The following ZNF385D variants were observed in gnomAD, a reference collection of about 807,000 sequenced individuals.
The protein encoded by ZNF385D is zinc finger protein 385D.
In ZNF385D, 15 loss-of-function variants were observed where a neutral mutation model predicts 35.8. The ratio of observed to expected loss-of-function variants is 0.42; its 90% CI spans 0.28 to 0.64. The LOEUF (loss-of-function observed/expected upper bound fraction) is 0.64. Among genes scored for constraint, ZNF385D ranks in the 30% least tolerant of loss-of-function variants. ZNF385D has a pLI of 0.23. For synonymous variants in ZNF385D, 212 were observed against 186.8 expected, an observed-to-expected ratio of 1.13 and a Z score of -1.10; for missense variants, 474 against 494.6, an observed-to-expected ratio of 0.96 and a Z score of 0.39.
At chr3:22,244,190 A>T (rs1261250241) in intron 2 of ZNF385D, among the ~76,000 whole-genome samples, 1 of 150,398 alleles carries the variant, frequency 6.6e-6, no homozygotes, top group Non-Finnish European at 1.5e-5. Context: ...AGCCATTATT[A>T]AACTTTTTCT....
At chr3:22,123,866 A>AAAACCAAACC (rs201493800) in intron 3 of ZNF385D, among the ~76,000 whole-genome samples, 8 of 146,532 alleles carry the variant, frequency 5.5e-5, no homozygotes, top group African/African-American at 1.0e-4. Flanking sequence ...CTGTCTCAGA[A>AAAACCAAACC]AAACCAAACC....
At chr3:22,061,116 T>TAATTA (rs199499447) in intron 3 of ZNF385D, among the ~76,000 whole-genome samples, 1,875 of 152,212 alleles carry the variant, frequency 0.012, 29 homozygotes, top group East Asian at 0.044. Flanking sequence ...ATCACCTGAT[T>TAATTA]AATTAAATTA....
In ZNF385D at chr3:22,198,413, T is replaced by C. The variant is rs548659839; in HGVS notation, c.107-29378A>G. Among the ~76,000 whole-genome samples, 13 of 152,230 alleles carry C rather than the reference T, an allele frequency of 8.5e-5. No individual in the cohort carries two copies. In the South Asian group the frequency reaches 2.1e-3, roughly 24 times the overall value. On this transcript the variant is annotated intron_variant, in intron 2 of 5. Coordinates refer to the ZNF385D transcript ENST00000494108. ...ATAATTAATGATCTGGTACTAAGCA[T>C]TGTGGAAGAAAGCTCTAAGTCTTTT... is the stretch of plus-strand genomic sequence containing the variant.
At chr3:21,458,827 C>T (rs1702989853) in intron 4 of ZNF385D, among the ~76,000 whole-genome samples, 2 of 150,242 alleles carry the variant, frequency 1.3e-5, no homozygotes, top group South Asian at 2.1e-4. Context: ...GGGGGCGGGA[C>T]TGATGATGAG....
At chr3:21,477,694 T>A (rs1375145819) in intron 4 of ZNF385D, among the ~76,000 whole-genome samples, 1 of 152,146 alleles carries the variant, frequency 6.6e-6, no homozygotes, top group Admixed American at 6.6e-5. Flanking sequence ...ACCAATGTAA[T>A]GTTCATTCCT....
At chr3:22,023,314 T>TATA (rs1697334840) in intron 3 of ZNF385D, among the ~76,000 whole-genome samples, 1 of 152,158 alleles carries the variant, frequency 6.6e-6, no homozygotes, top group Non-Finnish European at 1.5e-5. Flanking sequence ...TAGCTCAGTC[T>TATA]ATTTAGAGTC....
intron 3 of ZNF385D, among the ~76,000 whole-genome samples, chr3:21,757,474 T>C (rs2070397438): frequency 6.6e-6 from 1 of 152,152 alleles, no homozygotes; most frequent in Admixed American, 6.5e-5. Flanking sequence ...TCTTTCTAAT[T>C]TGATAGACAG....
At chr3:22,128,142 T>C (rs1392454766) in intron 3 of ZNF385D, among the ~76,000 whole-genome samples, 2 of 152,222 alleles carry the variant, frequency 1.3e-5, no homozygotes, top group Non-Finnish European at 2.9e-5. Flanking sequence ...GAAATATATT[T>C]TTGATGGATA....
chr3:21,701,212 TA>T (rs1314973430), intron 1 of ZNF385D, among the ~76,000 whole-genome samples: 1 of 152,184 alleles, frequency 6.6e-6, no homozygotes, highest in Non-Finnish European at 1.5e-5. Context: ...AAGAGAGGTT[TA>T]ACTGGACTTA....
At chr3:21,982,617 T>A (rs188843902) in intron 3 of ZNF385D, among the ~76,000 whole-genome samples, 18 of 152,316 alleles carry the variant, frequency 1.2e-4, no homozygotes, top group Admixed American at 2.0e-4. Context: ...CATCCAATAC[T>A]GTGTTGAACA....
At chr3:22,096,225 C>A (rs1701615511) in intron 3 of ZNF385D, among the ~76,000 whole-genome samples, 1 of 151,972 alleles carries the variant, frequency 6.6e-6, no homozygotes, top group South Asian at 2.1e-4. Flanking sequence ...AGCATGCTCA[C>A]TACCTGGGTG....
intron 3 of ZNF385D, among the ~76,000 whole-genome samples, chr3:21,776,959 G>C (rs772147826): frequency 1.3e-5 from 2 of 151,896 alleles, no homozygotes; most frequent in Non-Finnish European, 2.9e-5. Flanking sequence ...TGCTAAAGAG[G>C]AATCCCTGCA....
At chr3:22,189,553 G>T (rs1382599249) in intron 2 of ZNF385D, among the ~76,000 whole-genome samples, 2 of 152,058 alleles carry the variant, frequency 1.3e-5, no homozygotes, top group Admixed American at 6.6e-5. Flanking sequence ...CGAAAGAGAA[G>T]AAAAAAGGAA....
intron 2 of ZNF385D, among the ~76,000 whole-genome samples, chr3:22,190,883 A>G (rs1193488625): frequency 1.3e-5 from 2 of 152,116 alleles, no homozygotes; most frequent in Non-Finnish European, 2.9e-5. Flanking sequence ...ACCACTTTAC[A>G]GTAACTATAA....
chr3:21,510,175 T>A (rs1383673591), intron 4 of ZNF385D, among the ~76,000 whole-genome samples: 2 of 152,182 alleles, frequency 1.3e-5, no homozygotes, highest in Non-Finnish European at 1.5e-5. Context: ...AGTGGTCTTA[T>A]ATTTAAAATG....
chr3:21,939,747 G>C (rs1033005480), intron 3 of ZNF385D, among the ~76,000 whole-genome samples: 6 of 152,202 alleles, frequency 3.9e-5, no homozygotes, highest in Non-Finnish European at 7.3e-5. Flanking sequence ...GTGATTGTAG[G>C]CTGAAGGTTT....
chr3:21,946,216 C>A (rs1377494558), intron 3 of ZNF385D, among the ~76,000 whole-genome samples: 1 of 152,078 alleles, frequency 6.6e-6, no homozygotes, highest in Non-Finnish European at 1.5e-5. Context: ...TTTAACTTAA[C>A]CATTTCCATC....
At chr3:21,621,392 A>G (rs1046622766) in intron 2 of ZNF385D, among the ~76,000 whole-genome samples, 1 of 152,156 alleles carries the variant, frequency 6.6e-6, no homozygotes, top group African/African-American at 2.4e-5. Context: ...ATGGTGGGGA[A>G]AAAATAAAGC....
chr3:22,227,196 G>A (rs1358077794), intron 2 of ZNF385D, among the ~76,000 whole-genome samples: 3 of 151,970 alleles, frequency 2.0e-5, no homozygotes, highest in Non-Finnish European at 2.9e-5. Flanking sequence ...CGGGGGGGGT[G>A]TAGGTGCTTG....
Sources: allele counts gnomAD v4.1 joint callset (sites outside exome capture counted in the v4.1 genomes callset), GRCh38; gene constraint gnomAD v4.1.1; transcripts MANE v1.5; gene names NCBI Gene and HGNC (gene_info 2026-07-23, HGNC 2026-07-21).